The following MRPS23 variants were observed in gnomAD, a reference collection of about 807,000 sequenced individuals.
MRPS23 encodes small ribosomal subunit protein mS23.
In MRPS23, 14 loss-of-function variants were observed where a neutral mutation model predicts 19.8. That is an observed-to-expected ratio of 0.71 (90% CI 0.47 to 1.11). The LOEUF (loss-of-function observed/expected upper bound fraction) is 1.11, where lower values mean the gene tolerates loss of function less well. Ranked by LOEUF, MRPS23 falls within the 50% of genes least tolerant of loss-of-function variation. MRPS23 has a pLI of 0.00. For missense variants in MRPS23, 242 were observed against 236.7 expected, an observed-to-expected ratio of 1.02 and a Z score of -0.15; for synonymous variants, 113 against 89.7, an observed-to-expected ratio of 1.26 and a Z score of -1.47.
chr17:57,849,543 AC>A (rs2073798667), intron 1 of MRPS23, 133 bp from the exon 2 acceptor site: 2 of 1,047,724 alleles, frequency 1.9e-6, no homozygotes, highest in Non-Finnish European at 2.7e-6. Context: ...ACTGCTCCCC[AC>A]CTACAGAGAA....
At chr17:57,848,965 CA>C (rs1305672336) in intron 2 of MRPS23, 1 of 356,676 alleles carries the variant, frequency 2.8e-6, no homozygotes, top group Admixed American at 4.5e-5. Flanking sequence ...ATAATGCTTG[CA>C]AAGAGCTTAG....
intron 2 of MRPS23, among the ~76,000 whole-genome samples, chr17:57,847,132 T>C (rs1002783000): frequency 1.3e-5 from 2 of 150,286 alleles, no homozygotes; most frequent in African/African-American, 2.4e-5. Context: ...CCATCTCTAC[T>C]AAAAATACAA....
Position 57,839,846 on chromosome 17 carries a change from T to G in MRPS23, c.510A>C (p.Glu170Asp). 5.6e-6 allele frequency: 9 copies of G among 1,614,176 alleles called. No homozygotes were observed. Among genetic ancestry groups the G allele is most frequent in the Non-Finnish European group, 6.8e-6 (8 of 1,180,008 alleles). Residue 170 changes from glutamate to aspartate, a missense_variant, in exon 5 of 5, where the codon GAA (glutamate) becomes GAC (aspartate). Coordinates refer to ENST00000313608, the MANE Select transcript of MRPS23 (RefSeq NM_016070.4). Reference protein sequence around the residue: ...TALEENETQKEVPQDQHLEAP... With the variant: ...TALEENETQKDVPQDQHLEAP... ...CCTCCAAATGCTGGTCCTGTGGAAC[T>G]TCTTTCTGAGTCTCGTTTTCTTCCA... is the stretch of plus-strand genomic sequence containing the variant.
chr17:57,848,938 G>T, intron 2 of MRPS23: 1 of 271,610 alleles, frequency 3.7e-6, no homozygotes, highest in Non-Finnish European at 6.9e-6. Flanking sequence ...GTTAGAGTAA[G>T]GCCTTTAGAG....
At chr17:57,846,944 A>T (rs1312003972) in intron 2 of MRPS23, among the ~76,000 whole-genome samples, 1 of 151,082 alleles carries the variant, frequency 6.6e-6, no homozygotes, top group African/African-American at 2.4e-5. Context: ...TAATAAAAAT[A>T]AATTAAAAAT....
intron 2 of MRPS23, among the ~76,000 whole-genome samples, chr17:57,846,838 C>G (rs1366113039): frequency 1.3e-5 from 2 of 151,998 alleles, no homozygotes; most frequent in Non-Finnish European, 2.9e-5. Context: ...TGTTTATCTG[C>G]TGACCTTCCC....
rs1196573511 is a variant in MRPS23 at position 57,849,363 on chromosome 17, C to T, written c.92G>A (p.Trp31Ter). ...RAGVLKEKPL[W>*]FDVYDAFPPL... Reference sequence around the variant, plus strand: ...GGGAAAGGCGTCATATACGTCAAACCACAGGGGCTTCTCCTTCAGCACCCC... The same window carrying T: ...GGGAAAGGCGTCATATACGTCAAACTACAGGGGCTTCTCCTTCAGCACCCC... Residue 31 changes from tryptophan (W) to a stop codon, truncating the protein, a stop_gained, in exon 2 of 5, where the codon TGG becomes TAG. Coordinates refer to ENST00000313608, the MANE Select transcript of MRPS23 (RefSeq NM_016070.4). LOFTEE classifies it high-confidence loss of function. 2 of 1,614,082 alleles carry T rather than the reference C, an allele frequency of 1.2e-6. No individual in the cohort carries two copies. The highest frequency in any genetic ancestry group is 1.3e-5 in the African/African-American group (1 of 74,922).
chr17:57,846,794 C>G (rs1270537805), intron 2 of MRPS23, among the ~76,000 whole-genome samples: 2 of 152,058 alleles, frequency 1.3e-5, no homozygotes, highest in Non-Finnish European at 2.9e-5. Flanking sequence ...ACGCAGGGAC[C>G]TCTGCCTAGG....
rs1322602067 is a variant in MRPS23 at position 57,842,883 on chromosome 17, TATATATATACAC to T, written c.216-1635_216-1624del. 2.3e-3 allele frequency among the ~76,000 whole-genome samples: 141 copies of T among 61,654 alleles called. 1 individual carries two copies. Among genetic ancestry groups the T allele is most frequent in the African/African-American group, 7.3e-3 (133 of 18,244 alleles). The allele number at this position is 61,654 out of a possible 152,430, so 40.4% of individuals were successfully genotyped here. On this transcript the variant is annotated intron_variant, in intron 2 of 4. Coordinates refer to ENST00000313608, the MANE Select transcript of MRPS23 (RefSeq NM_016070.4). ...TGTCTCTAAAAAAAAAAAAAAAATA[TATATATATACAC>T]ACACACACACACACACACACACACA... is the stretch of plus-strand genomic sequence containing the variant.
At chr17:57,844,487 T>C (rs1205923087) in intron 2 of MRPS23, among the ~76,000 whole-genome samples, 2 of 151,746 alleles carry the variant, frequency 1.3e-5, no homozygotes, top group Middle Eastern at 3.4e-3. Context: ...AGGCTGGGCA[T>C]GGTGGCTCAT....
rs1453799146 is a variant in MRPS23 at position 57,835,323 on chromosome 17, T to C, written c.*4460A>G. ...CAGTTCCACGTCACCAACTGGGTGTTAGTGATGCTGCTAAGTTTTCTAGTC... is the reference window on the plus strand; with the variant it reads ...CAGTTCCACGTCACCAACTGGGTGTCAGTGATGCTGCTAAGTTTTCTAGTC... On this transcript the variant is annotated 3_prime_UTR_variant, in exon 5 of 5. Transcript: ENST00000313608. The C allele has an allele frequency of 6.6e-6, 1 of 152,232 alleles. No individual in the cohort carries two copies. The highest frequency in any genetic ancestry group is 1.9e-4 in the East Asian group (1 of 5,204). The allele number at this position is 152,232 out of a possible 1,614,324, so 9.4% of individuals were successfully genotyped here.
chr17:57,839,817 G>C lies in MRPS23; in HGVS notation c.539C>G (p.Pro180Arg), dbSNP rs775090743. The change falls in exon 5 of 5, where the codon CCT (proline) becomes CGT (arginine). Residue 180 changes from proline to arginine, a missense_variant. By Grantham distance (103) the Pro-to-Arg change is moderately radical. Transcript: ENST00000313608. ...EVPQDQHLEA[P>R]ADQSKGLLPP Reference sequence around the variant, plus strand: ...CAAGAGACCTTTCGACTGGTCTGCAGGTGCCTCCAAATGCTGGTCCTGTGG... The same window carrying C: ...CAAGAGACCTTTCGACTGGTCTGCACGTGCCTCCAAATGCTGGTCCTGTGG... The C allele has an allele frequency of 1.2e-4, 194 of 1,614,050 alleles. No individual in the cohort carries two copies. The Middle Eastern group carries it at 1.5e-3, about 12-fold the overall frequency.
Position 57,838,228 on chromosome 17 carries a change from TG to T in MRPS23, c.*1554del, listed in dbSNP as rs1170195430. 2 of 124,206 alleles carry T rather than the reference TG, an allele frequency of 1.6e-5. No homozygotes were observed. Among genetic ancestry groups the T allele is most frequent in the East Asian group, 5.2e-4 (2 of 3,860 alleles). 7.7% of individuals were successfully genotyped at this position (124,206 alleles called of 1,614,324 possible). On this transcript the variant is annotated 3_prime_UTR_variant, in exon 5 of 5. Transcript: ENST00000313608. ...CTGCTTGAACCTGGGAGGCGGAGGT[TG>T]CAGTGGGCCAAGATGGCTCCACTGT...
intron 2 of MRPS23, among the ~76,000 whole-genome samples, chr17:57,846,085 T>TG (rs1178534596): frequency 6.6e-5 from 10 of 150,872 alleles, no homozygotes; most frequent in African/African-American, 2.2e-4. Context: ...ACATCTTTGT[T>TG]TTTTTTTTTT....
intron 2 of MRPS23, among the ~76,000 whole-genome samples, chr17:57,841,594 T>C (rs1423260416): frequency 6.6e-6 from 1 of 152,254 alleles, no homozygotes; most frequent in Non-Finnish European, 1.5e-5. Context: ...ATATATGCAC[T>C]ATCATTCCCT....
At chr17:57,847,930 C>T (rs888368043) in intron 2 of MRPS23, among the ~76,000 whole-genome samples, 3 of 152,036 alleles carry the variant, frequency 2.0e-5, no homozygotes, top group Admixed American at 1.3e-4. Flanking sequence ...CTCCTGAGCT[C>T]AGGCAATCTG....
intron 4 of MRPS23, 58 bp from the exon 5 acceptor site, chr17:57,839,993 G>A (rs1305983460): frequency 1.1e-5 from 17 of 1,592,222 alleles, no homozygotes; most frequent in African/African-American, 1.3e-5. Flanking sequence ...CAATTAATTC[G>A]CTAAAGATAT....
intron 2 of MRPS23, 102 bp from the exon 3 acceptor site, chr17:57,841,362 G>C: frequency 8.1e-7 from 1 of 1,240,790 alleles, no homozygotes; most frequent in Non-Finnish European, 1.1e-6. Context: ...GAGGAGTTAA[G>C]TACGGTATAA....
chr17:57,845,227 T>C (rs899275536), intron 2 of MRPS23, among the ~76,000 whole-genome samples: 11 of 152,180 alleles, frequency 7.2e-5, no homozygotes, highest in Non-Finnish European at 1.3e-4. Context: ...ACAAAGTGCA[T>C]GCAATGGGTC....
Sources: allele counts gnomAD v4.1 joint callset (sites outside exome capture counted in the v4.1 genomes callset), GRCh38; gene constraint gnomAD v4.1.1; transcripts MANE v1.5; gene names NCBI Gene and HGNC (gene_info 2026-07-23, HGNC 2026-07-21).